Variants in SLC41A3 observed in about 807,000 individuals in gnomAD.
SLC41A3 encodes the protein SLC41A1-like 2.
A neutral mutation model predicts 45.4 loss-of-function variants in SLC41A3; 44 were observed. That is an observed-to-expected ratio of 0.97 (90% CI 0.76 to 1.25). The LOEUF is 1.25. Among genes scored for constraint, SLC41A3 ranks in the 50% most tolerant of loss-of-function variants. The probability of loss-of-function intolerance (pLI) is 0.00; values close to 1 mark genes in which losing one functional copy is unlikely to be tolerated. For missense variants in SLC41A3, 550 were observed against 600.6 expected (o/e 0.92, Z 0.88); for synonymous variants, 256 against 252.4 (o/e 1.01, Z -0.13).
intron 2 of SLC41A3, among the ~76,000 whole-genome samples, chr3:126,051,290 G>C (rs1466514408): frequency 6.6e-6 from 1 of 152,260 alleles, no homozygotes; most frequent in Admixed American, 6.5e-5. Context: ...GGCCAGGCTG[G>C]AGGCCAGCGG....
Position 126,016,170 on chromosome 3 carries a change from A to G in SLC41A3, c.890+561T>C, listed in dbSNP as rs547230990. On this transcript the variant is annotated intron_variant, in intron 7 of 10. Transcript: ENST00000360370. ...ATCAGAATGGACAGGGGTGGCCCCC[A>G]TCAAGGTCAACTCTCAGGAAATGAG... Among the ~76,000 whole-genome samples, 4 of 152,358 alleles carry G rather than the reference A, an allele frequency of 2.6e-5. No individual in the cohort carries two copies. In the East Asian group the frequency reaches 7.7e-4, roughly 29 times the overall value.
chr3:126,027,644 C>T (rs1219222306), intron 4 of SLC41A3, among the ~76,000 whole-genome samples: 1 of 152,074 alleles, frequency 6.6e-6, no homozygotes, highest in Non-Finnish European at 1.5e-5. Context: ...AGGTAACGAG[C>T]AGAGGGTGGA....
chr3:126,016,597 T>C lies in SLC41A3; in HGVS notation c.890+134A>G, dbSNP rs1940307255. Reference sequence around the variant, plus strand: ...AAAAAAGGTATGATTCAATCAGCAATGGGAGTTACTGAAAGAGCCCACAGC... The same window carrying C: ...AAAAAAGGTATGATTCAATCAGCAACGGGAGTTACTGAAAGAGCCCACAGC... On this transcript the variant is annotated intron_variant, in intron 7 of 10. Coordinates refer to ENST00000360370, the MANE Select transcript of SLC41A3 (RefSeq NM_017836.4). The C allele has an allele frequency of 3.5e-6, 4 of 1,127,202 alleles. No homozygotes were observed. In the East Asian group the frequency reaches 7.9e-5, roughly 22 times the overall value. 69.8% of individuals were successfully genotyped at this position (1,127,202 alleles called of 1,614,324 possible). A position where few individuals can be genotyped will look rare whatever the true frequency, so the allele number is the denominator to read the frequency against.
chr3:126,038,244 G>A (rs1467495843), intron 3 of SLC41A3, among the ~76,000 whole-genome samples: 2 of 152,224 alleles, frequency 1.3e-5, no homozygotes, highest in African/African-American at 2.4e-5. Flanking sequence ...GCCACACAAA[G>A]CCCCCACTTG....
Position 126,096,079 on chromosome 3 carries a change from T to C in SLC41A3, c.-79+5350A>G, listed in dbSNP as rs562683334. On this transcript the variant is annotated intron_variant, in intron 1 of 9. Transcript: ENST00000508835. ...GACACTCTACAAACTTGTTTTTGGA[T>C]ATTGCAAAATTAAAAAAACAAATAT... Among the ~76,000 whole-genome samples the C allele has an allele frequency of 1.1e-4, 17 of 152,280 alleles. No individual in the cohort carries two copies. In the East Asian group the frequency reaches 3.3e-3, roughly 29 times the overall value.
chr3:126,030,142 A>G (rs1179812962), intron 4 of SLC41A3, among the ~76,000 whole-genome samples: 1 of 133,532 alleles, frequency 7.5e-6, no homozygotes, highest in Non-Finnish European at 1.7e-5. Context: ...TGTATAATAT[A>G]TATTATATAT....
intron 6 of SLC41A3, among the ~76,000 whole-genome samples, chr3:126,020,782 T>C (rs1225742728): frequency 1.3e-5 from 2 of 152,186 alleles, no homozygotes; most frequent in African/African-American, 4.8e-5. Context: ...ATAACAACTG[T>C]CTCCACAATC....
At chr3:126,092,107 G>GC (rs1383739028) in intron 1 of SLC41A3, among the ~76,000 whole-genome samples, 1 of 152,124 alleles carries the variant, frequency 6.6e-6, no homozygotes, top group Non-Finnish European at 1.5e-5. Flanking sequence ...CTGGGAACAG[G>GC]CCCCCCAAAA....
chr3:126,062,871 G>C (rs1342686685), intron 2 of SLC41A3, among the ~76,000 whole-genome samples: 1 of 152,180 alleles, frequency 6.6e-6, no homozygotes, highest in Non-Finnish European at 1.5e-5. Flanking sequence ...TCTAGGATCT[G>C]CCCAAGTTAA....
At chr3:126,094,281 C>T (rs6794811) in intron 1 of SLC41A3, among the ~76,000 whole-genome samples, 92,662 of 151,736 alleles carry the variant, frequency 0.61, 28,687 homozygotes, top group African/African-American at 0.71. Flanking sequence ...GGATATCATT[C>T]TTGATGGCGG....
chr3:126,064,498 C>T (rs1049704723), intron 2 of SLC41A3, among the ~76,000 whole-genome samples: 3 of 152,090 alleles, frequency 2.0e-5, no homozygotes, highest in Admixed American at 2.0e-4. Context: ...TAACAAATTG[C>T]CGTGGTCCTC....
chr3:126,009,096 G>A (rs1043829119), intron 9 of SLC41A3, among the ~76,000 whole-genome samples: 1 of 152,124 alleles, frequency 6.6e-6, no homozygotes, highest in Admixed American at 6.5e-5. Flanking sequence ...CAAGAATCAA[G>A]TAAGCAGAAA....
upstream of SLC41A3, among the ~76,000 whole-genome samples, chr3:126,087,030 ATTGTTAG>A (rs1229478869): frequency 6.6e-6 from 1 of 152,142 alleles, no homozygotes; most frequent in Non-Finnish European, 1.5e-5. Flanking sequence ...TGTTCTAAGA[ATTGTTAG>A]TATTTTTGTT....
intron 2 of SLC41A3, chr3:126,067,452 G>A (rs1297868455): frequency 7.6e-6 from 2 of 264,838 alleles, no homozygotes; most frequent in East Asian, 1.2e-4. Flanking sequence ...TTAGGAAGAG[G>A]GATTAGGACA....
chr3:126,058,463 T>C (rs1050194710), intron 2 of SLC41A3, among the ~76,000 whole-genome samples: 3 of 152,190 alleles, frequency 2.0e-5, no homozygotes, highest in African/African-American at 7.2e-5. Context: ...CCAAGTGGCC[T>C]GCCTCAAGGA....
At chr3:126,016,589 A>C in intron 7 of SLC41A3, 142 bp downstream of exon 7, 1 of 1,084,002 alleles carries the variant, frequency 9.2e-7, no homozygotes, top group Non-Finnish European at 1.3e-6. Flanking sequence ...GTATGATTCA[A>C]TCAGCAATGG....
intron 2 of SLC41A3, among the ~76,000 whole-genome samples, chr3:126,059,141 C>T (rs1377742012): frequency 4.6e-5 from 7 of 150,664 alleles, no homozygotes; most frequent in Admixed American, 2.0e-4. Context: ...CAGATCAGTA[C>T]TTAGGGCCTA....
chr3:126,012,755 A>G lies in SLC41A3; in HGVS notation c.971-6T>C, dbSNP rs755838207. The G allele has an allele frequency of 9.9e-6, 16 of 1,613,974 alleles. No individual in the cohort carries two copies. Among genetic ancestry groups the G allele is most frequent in the African/African-American group, 1.3e-5 (1 of 74,928 alleles). Reference sequence around the variant, plus strand: ...CACCAGATTGCCACCAACACCTACGAGGAGAAAAGGAATCTGTTTTCCCTT... The same window carrying G: ...CACCAGATTGCCACCAACACCTACGGGGAGAAAAGGAATCTGTTTTCCCTT... On this transcript the variant is annotated splice_region_variant and splice_polypyrimidine_tract_variant and intron_variant, in intron 8 of 10. Coordinates refer to ENST00000360370, the MANE Select transcript of SLC41A3 (RefSeq NM_017836.4).
intron 1 of SLC41A3, among the ~76,000 whole-genome samples, chr3:126,080,126 T>C (rs1042238513): frequency 2.0e-5 from 3 of 152,142 alleles, no homozygotes; most frequent in Non-Finnish European, 2.9e-5. Context: ...GTAGAAAATA[T>C]TGGGGAAATT....
Sources: allele counts gnomAD v4.1 joint callset (sites outside exome capture counted in the v4.1 genomes callset), GRCh38; gene constraint gnomAD v4.1.1; transcripts MANE v1.5; gene names NCBI Gene and HGNC (gene_info 2026-07-23, HGNC 2026-07-21).